The following CRACD variants were observed in gnomAD, a reference collection of about 807,000 sequenced individuals.
The protein encoded by CRACD is capping protein inhibiting regulator of actin dynamics.
Under a neutral mutation model 106.8 loss-of-function variants are expected in CRACD, and 56 were observed. The ratio of observed to expected loss-of-function variants is 0.52; its 90% CI spans 0.42 to 0.66. The LOEUF is 0.66. Ranked by LOEUF, CRACD falls within the 30% of genes least tolerant of loss-of-function variation. The pLI, the probability that CRACD is intolerant of heterozygous loss-of-function variation, is 0.00. For synonymous variants in CRACD, 754 were observed against 670.8 expected (o/e 1.12, Z -1.92); for missense variants, 1,730 against 1,623.2 (o/e 1.07, Z -1.13).
At chr4:56,161,103 A>G (rs1334658300) in intron 1 of CRACD, among the ~76,000 whole-genome samples, 1 of 152,220 alleles carries the variant, frequency 6.6e-6, no homozygotes, top group African/African-American at 2.4e-5. Context: ...AATTAACTGA[A>G]AAGTGTTCAT....
At chr4:56,197,912 T>C (rs1161237223) in intron 2 of CRACD, among the ~76,000 whole-genome samples, 5 of 152,046 alleles carry the variant, frequency 3.3e-5, no homozygotes, top group African/African-American at 9.7e-5. Flanking sequence ...CTCCTGACCT[T>C]CTGATCCGCC....
intron 5 of CRACD, chr4:56,308,779 T>C: frequency 8.1e-7 from 1 of 1,238,426 alleles, no homozygotes; most frequent in Non-Finnish European, 1.0e-6. Context: ...AAAATTGCTC[T>C]TCCCAACCTC....
intron 2 of CRACD, among the ~76,000 whole-genome samples, chr4:56,204,707 A>G (rs1242751127): frequency 1.3e-5 from 2 of 152,198 alleles, no homozygotes; most frequent in Non-Finnish European, 2.9e-5. Context: ...TTAAAGAAAT[A>G]AAAAGAGCAA....
chr4:56,267,965 C>T (rs1289395843), intron 2 of CRACD, among the ~76,000 whole-genome samples: 1 of 152,224 alleles, frequency 6.6e-6, no homozygotes, highest in Admixed American at 6.5e-5. Flanking sequence ...ATGGCACCCT[C>T]TCCCAGCCTT....
chr4:56,129,525 C>T (rs1734757606), intron 1 of CRACD, among the ~76,000 whole-genome samples: 1 of 152,162 alleles, frequency 6.6e-6, no homozygotes, highest in South Asian at 2.1e-4. Flanking sequence ...AAGACCAACT[C>T]CCTGGAAACT....
chr4:56,095,628 G>C (rs563512117), intron 1 of CRACD, among the ~76,000 whole-genome samples: 3 of 152,178 alleles, frequency 2.0e-5, no homozygotes, highest in Non-Finnish European at 4.4e-5. Flanking sequence ...TGTGGCCAGG[G>C]CAGAGTAAGT....
chr4:56,316,144 C>T lies in CRACD; in HGVS notation c.2642C>T (p.Ala881Val), dbSNP rs369494887. 33 of 1,614,164 alleles carry T rather than the reference C, an allele frequency of 2.0e-5. No individual in the cohort carries two copies. In the African/African-American group the frequency reaches 4.1e-4, roughly 20 times the overall value. Reference sequence around the variant, plus strand: ...AGCAGCACCGGAGACAGCGCGGATGCAGGGCCGCCTGCAGCGGGGAGCGCT... The same window carrying T: ...AGCAGCACCGGAGACAGCGCGGATGTAGGGCCGCCTGCAGCGGGGAGCGCT... ...RHSSTGDSAD[A>V]GPPAAGSARG... Residue 881 changes from alanine (A) to valine (V), a missense_variant, in exon 8 of 11, where the codon GCA (alanine) becomes GTA (valine). Ala to Val is a moderately conservative substitution (Grantham distance 64). Around this residue, in one of 5 missense-constraint regions of CRACD, gnomAD observed 1,620 missense variants for 1,481.6 expected, o/e 1.09. Transcript: ENST00000682029.
chr4:56,057,279 G>A (rs1732106093), intron 1 of CRACD, among the ~76,000 whole-genome samples: 1 of 152,162 alleles, frequency 6.6e-6, no homozygotes, highest in Non-Finnish European at 1.5e-5. Context: ...TAGGGGCTCA[G>A]GAAGACTGAA....
At chr4:56,270,070 T>A (rs1319928864) in intron 2 of CRACD, among the ~76,000 whole-genome samples, 1 of 152,228 alleles carries the variant, frequency 6.6e-6, no homozygotes, top group African/African-American at 2.4e-5. Context: ...AGGGGACCAC[T>A]GATGTTGGAG....
intron 2 of CRACD, among the ~76,000 whole-genome samples, chr4:56,227,695 C>T (rs1192924343): frequency 3.9e-5 from 6 of 152,138 alleles, no homozygotes; most frequent in Non-Finnish European, 8.8e-5. Context: ...AATGGGTATT[C>T]CAACAAAACT....
At chr4:56,218,405 C>G (rs1299640507) in intron 2 of CRACD, among the ~76,000 whole-genome samples, 1 of 151,788 alleles carries the variant, frequency 6.6e-6, no homozygotes, top group Non-Finnish European at 1.5e-5. Flanking sequence ...ACCACCTCAC[C>G]TGGTCTGCTT....
chr4:56,145,898 C>T (rs1735361896), intron 1 of CRACD, among the ~76,000 whole-genome samples: 1 of 152,028 alleles, frequency 6.6e-6, no homozygotes. Flanking sequence ...TGCTAGGATT[C>T]TAGGCGTGAG....
chr4:56,061,827 C>A (rs1215450060), intron 1 of CRACD, among the ~76,000 whole-genome samples: 6 of 152,130 alleles, frequency 3.9e-5, no homozygotes, highest in African/African-American at 1.4e-4. Flanking sequence ...TCTTCCAGAT[C>A]CAGCATTGTA....
chr4:56,260,342 G>A (rs918882723), intron 2 of CRACD, among the ~76,000 whole-genome samples: 8 of 152,176 alleles, frequency 5.3e-5, no homozygotes, highest in Non-Finnish European at 1.2e-4. Flanking sequence ...CTGGGGGAAC[G>A]GGTTAGTGTG....
At chr4:56,219,243 T>A (rs956776277) in intron 2 of CRACD, among the ~76,000 whole-genome samples, 3 of 152,286 alleles carry the variant, frequency 2.0e-5, no homozygotes, top group Admixed American at 2.0e-4. Flanking sequence ...TAGACCACAG[T>A]AGGTTATGAA....
At chr4:56,262,135 A>G (rs539888933) in intron 2 of CRACD, among the ~76,000 whole-genome samples, 3 of 152,326 alleles carry the variant, frequency 2.0e-5, no homozygotes, top group South Asian at 4.1e-4. Flanking sequence ...TTTGCCTTGA[A>G]AAAGTCCTGA....
chr4:56,302,576 GAC>G (rs760342809), intron 4 of CRACD, among the ~76,000 whole-genome samples: 5 of 152,252 alleles, frequency 3.3e-5, no homozygotes, highest in Non-Finnish European at 5.9e-5. Flanking sequence ...AGCTGTCAAG[GAC>G]ACAAAGAATA....
intron 2 of CRACD, among the ~76,000 whole-genome samples, chr4:56,232,430 A>G (rs10027050): frequency 0.45 from 68,266 of 151,836 alleles, 15,914 homozygotes; most frequent in Non-Finnish European, 0.51. Flanking sequence ...TCCTATGTGG[A>G]GCTTCTGTGA....
chr4:56,092,311 C>T (rs1733448410), intron 1 of CRACD, among the ~76,000 whole-genome samples: 1 of 152,130 alleles, frequency 6.6e-6, no homozygotes. Flanking sequence ...GATATCTATC[C>T]ATCTTGGGCC....
Sources: allele counts gnomAD v4.1 joint callset (sites outside exome capture counted in the v4.1 genomes callset), GRCh38; gene constraint gnomAD v4.1.1; regional missense constraint gnomAD v4.1.1; transcripts MANE v1.5; gene names NCBI Gene and HGNC (gene_info 2026-07-23, HGNC 2026-07-21).